MEGF9: variants seen among roughly 807,000 people sequenced by gnomAD.
MEGF9 encodes multiple EGF like domains 9.
A neutral mutation model predicts 46.8 loss-of-function variants in MEGF9; 6 were observed. The ratio of observed to expected loss-of-function variants is 0.13; its 90% CI spans 0.07 to 0.25. The LOEUF is 0.25. Ranked by LOEUF, MEGF9 falls within the 10% of genes least tolerant of loss-of-function variation. The pLI, the probability that MEGF9 is intolerant of heterozygous loss-of-function variation, is 1.00. For missense variants in MEGF9, 683 were observed against 792.4 expected (o/e 0.86, Z 1.66); for synonymous variants, 302 against 330.7 (o/e 0.91, Z 0.94).
At chr9:120,612,595 C>G in intron 3 of MEGF9, 56 bp from the exon 4 acceptor site, 1 of 1,501,862 alleles carries the variant, frequency 6.7e-7, no homozygotes, top group Non-Finnish European at 9.0e-7. Context: ...AGCCAAGTAA[C>G]TTTCAAAAAT....
intron 1 of MEGF9, among the ~76,000 whole-genome samples, chr9:120,688,180 C>T (rs2043832547): frequency 6.6e-6 from 1 of 151,572 alleles, no homozygotes; most frequent in Non-Finnish European, 1.5e-5. Context: ...CGCACGCACA[C>T]ACAACTTCTC....
chr9:120,685,157 G>A (rs1056708762), intron 1 of MEGF9, among the ~76,000 whole-genome samples: 2 of 152,292 alleles, frequency 1.3e-5, no homozygotes, highest in Non-Finnish European at 1.5e-5. Flanking sequence ...TTTTAAATGC[G>A]ATTTTGGAAG....
intron 1 of MEGF9, among the ~76,000 whole-genome samples, chr9:120,677,736 G>A (rs1325823915): frequency 6.6e-6 from 1 of 152,128 alleles, no homozygotes; most frequent in Non-Finnish European, 1.5e-5. Context: ...ACTATACTAA[G>A]CTATCAAACT....
intron 1 of MEGF9, chr9:120,689,924 A>C (rs778746423): frequency 9.4e-6 from 5 of 530,462 alleles, no homozygotes; most frequent in Non-Finnish European, 1.9e-5. Context: ...CAATTTTTCT[A>C]CCCGTTTTAA....
intron 4 of MEGF9, among the ~76,000 whole-genome samples, chr9:120,609,430 A>G (rs972439976): frequency 1.3e-5 from 2 of 152,188 alleles, no homozygotes; most frequent in African/African-American, 4.8e-5. Flanking sequence ...GCTTAACTGT[A>G]ACACATGTCA....
At chr9:120,664,600 T>G (rs1482852191) in intron 1 of MEGF9, among the ~76,000 whole-genome samples, 1 of 152,226 alleles carries the variant, frequency 6.6e-6, no homozygotes, top group African/African-American at 2.4e-5. Context: ...CATTTAAGCA[T>G]AGATACTAGA....
At chr9:120,629,069 T>C (rs997151248) in intron 2 of MEGF9, among the ~76,000 whole-genome samples, 1 of 152,240 alleles carries the variant, frequency 6.6e-6, no homozygotes, top group African/African-American at 2.4e-5. Context: ...TCAACCTCCC[T>C]GGCTCAAGAT....
intron 1 of MEGF9, among the ~76,000 whole-genome samples, chr9:120,699,241 C>T (rs947989662): frequency 2.0e-5 from 3 of 151,968 alleles, no homozygotes; most frequent in African/African-American, 4.8e-5. Flanking sequence ...CTACTTGCAC[C>T]TCTGTTTTCA....
rs575243546 is a variant in MEGF9 at position 120,695,064 on chromosome 9, G to A, written c.601+18694C>T. On this transcript the variant is annotated intron_variant, in intron 1 of 5. Coordinates refer to ENST00000373930, the MANE Select transcript of MEGF9 (RefSeq NM_001080497.3). The stretch of plus-strand genomic sequence containing the variant: ...AAAAAAAAAAAAAGAGAGAGAGAGA[G>A]AGACAAAGACAAAAACCCCTGCCTC... Among the ~76,000 whole-genome samples, 3 of 151,694 alleles carry A rather than the reference G, an allele frequency of 2.0e-5. No homozygotes were observed. In the South Asian group the frequency reaches 6.2e-4, roughly 32 times the overall value.
intron 1 of MEGF9, among the ~76,000 whole-genome samples, chr9:120,672,738 C>A (rs1461015420): frequency 6.6e-6 from 1 of 152,112 alleles, no homozygotes; most frequent in Non-Finnish European, 1.5e-5. Flanking sequence ...AATAAGGTTG[C>A]AAGGGCTGGG....
chr9:120,701,205 T>C (rs371875487), intron 1 of MEGF9, among the ~76,000 whole-genome samples: 26 of 152,180 alleles, frequency 1.7e-4, no homozygotes, highest in African/African-American at 6.3e-4. Flanking sequence ...ATGCTACTAC[T>C]TCTCATCTCT....
chr9:120,613,870 G>T (rs1388631960), intron 3 of MEGF9, among the ~76,000 whole-genome samples: 2 of 152,088 alleles, frequency 1.3e-5, no homozygotes, highest in East Asian at 3.9e-4. Context: ...ATTCGTAAAA[G>T]TCTTGATTTC....
intron 1 of MEGF9, among the ~76,000 whole-genome samples, chr9:120,672,597 T>G (rs1164857284): frequency 6.6e-6 from 1 of 152,150 alleles, no homozygotes; most frequent in Non-Finnish European, 1.5e-5. Context: ...CTCCAGCCTG[T>G]GTAACAGAAT....
chr9:120,636,865 C>A (rs1015760054), intron 2 of MEGF9, among the ~76,000 whole-genome samples: 24 of 151,838 alleles, frequency 1.6e-4, no homozygotes, highest in Non-Finnish European at 2.7e-4. Flanking sequence ...TGGGGGGGCC[C>A]CTCTGCCCGG....
intron 1 of MEGF9, among the ~76,000 whole-genome samples, chr9:120,687,670 C>CTGTGTGTGTGTGTGTG (rs71385077): frequency 1.9e-3 from 271 of 142,054 alleles, no homozygotes; most frequent in Non-Finnish European, 3.1e-3. Flanking sequence ...GAACACAACA[C>CTGTGTGTGTGTGTGTG]TGTGTGTGTG....
chr9:120,652,664 T>G (rs2043658901), intron 2 of MEGF9, among the ~76,000 whole-genome samples: 1 of 151,786 alleles, frequency 6.6e-6, no homozygotes, highest in Admixed American at 6.6e-5. Context: ...AATTTTTAAT[T>G]TTTATGGATA....
At chr9:120,690,605 T>C (rs1300540428) in intron 1 of MEGF9, among the ~76,000 whole-genome samples, 4 of 152,166 alleles carry the variant, frequency 2.6e-5, no homozygotes, top group African/African-American at 7.2e-5. Context: ...AGGGTGCTAC[T>C]GAATGGTAGT....
rs370767809 is a variant in MEGF9, at chr9:120,602,527, A to C, written c.*2663T>G. 271 of 152,604 alleles carry C rather than the reference A, an allele frequency of 1.8e-3. 1 individual carries two copies. The highest frequency in any genetic ancestry group is 6.2e-3 in the African/African-American group (256 of 41,570). 9.5% of individuals were successfully genotyped at this position (152,604 alleles called of 1,614,324 possible). On this transcript the variant is annotated 3_prime_UTR_variant, in exon 6 of 6. Transcript: ENST00000373930. ...AGGATCTTATTTAAAACAAATTTTA[A>C]GACTTTTTTTCCCATTGAGAAAAAT...
chr9:120,692,820 A>G (rs60762582), intron 1 of MEGF9, among the ~76,000 whole-genome samples: 2,421 of 152,056 alleles, frequency 0.016, 63 homozygotes, highest in African/African-American at 0.055. Flanking sequence ...AATAATTCCT[A>G]TTTGTTCTCA....
Sources: gnomAD v4.1 joint callset for allele counts (sites outside exome capture counted in the v4.1 genomes callset) on GRCh38, gnomAD v4.1.1 for gene constraint, MANE v1.5 for transcripts, NCBI Gene and HGNC (gene_info 2026-07-23, HGNC 2026-07-21) for gene names.